GABPB2: variants seen among roughly 807,000 people sequenced by gnomAD.
The protein encoded by GABPB2 is GA binding protein transcription factor subunit beta 2.
GABPB2 carries 23 observed loss-of-function variants against 39.1 expected under a neutral mutation model. That is an observed-to-expected ratio of 0.59 (90% CI 0.42 to 0.83). The LOEUF is 0.83. GABPB2 is among the 40% of genes least tolerant of loss of function. The pLI is 0.00. For synonymous variants in GABPB2, 184 were observed against 199.3 expected (o/e 0.92, Z 0.65); for missense variants, 467 against 541.1 (o/e 0.86, Z 1.36).
At chr1:151,117,210 A>G (rs1680944338) in intron 7 of GABPB2, among the ~76,000 whole-genome samples, 182 bp from the exon 8 acceptor site, 1 of 151,888 alleles carries the variant, frequency 6.6e-6, no homozygotes, top group Non-Finnish European at 1.5e-5. Context: ...TGTCTAGGCT[A>G]GTCTTGAACT....
At chr1:151,114,902 C>T (rs1342437283) in intron 7 of GABPB2, among the ~76,000 whole-genome samples, 5 of 151,708 alleles carry the variant, frequency 3.3e-5, no homozygotes, top group South Asian at 2.1e-4. Context: ...CCCAGCTACT[C>T]GGGAGGCTGA....
rs1355040322 is a variant in GABPB2, at chr1:151,101,105, T to A, written c.623-2457T>A. Among the ~76,000 whole-genome samples the A allele has an allele frequency of 4.0e-5, 6 of 149,446 alleles. No homozygotes were observed. In the East Asian group the frequency reaches 1.2e-3, roughly 30 times the overall value. ...ACAAAAAATACAAAAAAAAAAAAATTAGCCAGGCATGGTGATGCACACCTG... is the reference window on the plus strand; with the variant it reads ...ACAAAAAATACAAAAAAAAAAAAATAAGCCAGGCATGGTGATGCACACCTG... On this transcript the variant is annotated intron_variant, in intron 5 of 8. Coordinates refer to ENST00000368918, the MANE Select transcript of GABPB2 (RefSeq NM_144618.3).
At chr1:151,074,054 G>C (rs1676949734) in intron 1 of GABPB2, among the ~76,000 whole-genome samples, 2 of 140,310 alleles carry the variant, frequency 1.4e-5, no homozygotes, top group South Asian at 4.5e-4. Flanking sequence ...TCGGCTCGCT[G>C]CAAGCTCCGC....
chr1:151,071,265 A>G (rs1676688536), intron 1 of GABPB2, among the ~76,000 whole-genome samples: 1 of 152,094 alleles, frequency 6.6e-6, no homozygotes, highest in Non-Finnish European at 1.5e-5. Context: ...GCCGAGGCTG[A>G]GTTTGGCCCC....
chr1:151,109,639 G>C (rs983177326), intron 7 of GABPB2, among the ~76,000 whole-genome samples: 3 of 151,630 alleles, frequency 2.0e-5, no homozygotes, highest in African/African-American at 7.3e-5. Context: ...AATTACAAGC[G>C]TGAGCCACCA....
At chr1:151,117,537 G>A in intron 8 of GABPB2, 21 bp downstream of exon 8, 3 of 1,610,260 alleles carry the variant, frequency 1.9e-6, no homozygotes, top group Non-Finnish European at 2.5e-6. Flanking sequence ...TAGGAGTGAT[G>A]AAAAGAATTT....
intron 5 of GABPB2, among the ~76,000 whole-genome samples, chr1:151,103,044 CTTTTTTTTT>C (rs376522230): frequency 2.3e-5 from 2 of 88,240 alleles, no homozygotes; most frequent in South Asian, 4.1e-4. Context: ...ACAAAGTATA[CTTTTTTTTT>C]TTTTTTTTTT....
At chr1:151,101,090 C>CAA (rs71090129) in intron 5 of GABPB2, among the ~76,000 whole-genome samples, 2 of 132,576 alleles carry the variant, frequency 1.5e-5, no homozygotes, top group Admixed American at 7.7e-5. Flanking sequence ...ACAAAAAATA[C>CAA]AAAAAAAAAA....
intron 1 of GABPB2, 44 bp downstream of exon 1, chr1:151,070,978 G>A (rs1485828311): frequency 6.6e-6 from 1 of 151,042 alleles, no homozygotes; most frequent in East Asian, 2.0e-4. Context: ...GGGGCGTCAG[G>A]GCTGGAAAGG....
chr1:151,096,270 A>G (rs970764677), intron 4 of GABPB2, among the ~76,000 whole-genome samples: 2 of 151,926 alleles, frequency 1.3e-5, no homozygotes, highest in African/African-American at 4.8e-5. Flanking sequence ...CTAAAATACA[A>G]AAGAAATTAG....
At chr1:151,101,087 A>G (rs1443352335) in intron 5 of GABPB2, among the ~76,000 whole-genome samples, 1 of 148,476 alleles carries the variant, frequency 6.7e-6, no homozygotes, top group Non-Finnish European at 1.5e-5. Context: ...TGTACAAAAA[A>G]TACAAAAAAA....
At position 151,082,392 on chromosome 1, in the gene GABPB2, CTTTTTTTT is replaced by C. The variant is rs35044606; in HGVS notation, c.1-5778_1-5771del. On this transcript the variant is annotated intron_variant, in intron 1 of 8. Coordinates refer to ENST00000368918, the MANE Select transcript of GABPB2 (RefSeq NM_144618.3). ...GCGTCTGGCCAACAAGTGGTAATTT[CTTTTTTTT>C]TTTTTTTTTTTTTTTTTTTGAGACG... Among the ~76,000 whole-genome samples the C allele has an allele frequency of 9.9e-3, 474 of 48,064 alleles. 1 individual carries two copies. Among genetic ancestry groups the C allele is most frequent in the Non-Finnish European group, 0.014 (392 of 28,576 alleles). The allele number at this position is 48,064 out of a possible 152,430, so 31.5% of individuals were successfully genotyped here. A position where few individuals can be genotyped will look rare whatever the true frequency, so the allele number is the denominator to read the frequency against.
chr1:151,120,127 ATGAGGTCAGGAG>A lies in GABPB2; in HGVS notation c.*1873_*1884del, dbSNP rs1032457584. On this transcript the variant is annotated 3_prime_UTR_variant, in exon 9 of 9. Transcript: ENST00000368918. ...TTTGGGAGGCTGAGGTGGGTGGATC[ATGAGGTCAGGAG>A]TTCAAGACCAGCCTGGCCGAGATGG... The A allele has an allele frequency of 6.6e-6, 1 of 151,826 alleles. No homozygotes were observed. The highest frequency in any genetic ancestry group is 1.5e-5 in the Non-Finnish European group (1 of 67,984). The allele number at this position is 151,826 out of a possible 1,614,324, so 9.4% of individuals were successfully genotyped here.
chr1:151,114,367 TAAAG>T (rs1239770368), intron 7 of GABPB2, among the ~76,000 whole-genome samples: 8 of 150,428 alleles, frequency 5.3e-5, no homozygotes, highest in African/African-American at 2.0e-4. Context: ...AATAAATAAA[TAAAG>T]CATTATGAAC....
chr1:151,080,221 A>C (rs1467369848), intron 1 of GABPB2, among the ~76,000 whole-genome samples: 3 of 140,172 alleles, frequency 2.1e-5, no homozygotes, highest in African/African-American at 6.0e-5. Flanking sequence ...ATCTCAAAAA[A>C]AAAAAAAAAA....
intron 6 of GABPB2, among the ~76,000 whole-genome samples, chr1:151,105,388 A>T (rs587686947): frequency 6.7e-6 from 1 of 149,456 alleles, no homozygotes; most frequent in African/African-American, 2.4e-5. Flanking sequence ...GTGTGTATAT[A>T]TATGTATATA....
intron 5 of GABPB2, among the ~76,000 whole-genome samples, chr1:151,098,609 A>G (rs952242455): frequency 7.2e-5 from 11 of 152,206 alleles, no homozygotes; most frequent in African/African-American, 2.7e-4. Flanking sequence ...TGATAAGGGA[A>G]ATAAACATTA....
chr1:151,090,096 C>T (rs1221255181), intron 2 of GABPB2, among the ~76,000 whole-genome samples: 1 of 152,006 alleles, frequency 6.6e-6, no homozygotes, highest in South Asian at 2.1e-4. Flanking sequence ...CCCACCACCA[C>T]GCCTGGCTAA....
chr1:151,088,391 T>C (rs1678382953), intron 2 of GABPB2, 94 bp downstream of exon 2: 1 of 1,264,890 alleles, frequency 7.9e-7, no homozygotes, highest in Non-Finnish European at 1.1e-6. Flanking sequence ...TTTTCTTCAC[T>C]CCCTTTCTAC....
Sources: gnomAD v4.1 joint callset for allele counts (sites outside exome capture counted in the v4.1 genomes callset) on GRCh38, gnomAD v4.1.1 for gene constraint, MANE v1.5 for transcripts, NCBI Gene and HGNC (gene_info 2026-07-23, HGNC 2026-07-21) for gene names.